The following MAGI1 variants were observed in gnomAD, a reference collection of about 807,000 sequenced individuals.
The protein encoded by MAGI1 is membrane associated guanylate kinase, WW and PDZ domain containing 1, also known as membrane-associated guanylate kinase, WW and PDZ domain-containing protein 1.
In MAGI1, 58 loss-of-function variants were observed where a neutral mutation model predicts 139.9. The ratio of observed to expected loss-of-function variants is 0.41; its 90% CI spans 0.34 to 0.52. MAGI1 has a LOEUF of 0.52. Ranked by LOEUF, MAGI1 falls within the 20% of genes least tolerant of loss-of-function variation. The pLI is 0.12. For synonymous variants in MAGI1, 812 were observed against 737.9 expected (o/e 1.10, Z -1.63); for missense variants, 1,874 against 1,901.6 (o/e 0.99, Z 0.27).
At chr3:65,830,049 A>T (rs2042441602) in intron 1 of MAGI1, among the ~76,000 whole-genome samples, 2 of 152,202 alleles carry the variant, frequency 1.3e-5, no homozygotes, top group African/African-American at 4.8e-5. Flanking sequence ...ATCATTATTT[A>T]TGCAGATGAA....
At position 65,638,235 on chromosome 3, in the gene MAGI1, G is replaced by A. The variant is rs576639615; in HGVS notation, c.314-16147C>T. Among the ~76,000 whole-genome samples the A allele has an allele frequency of 2.0e-4, 30 of 152,210 alleles. No individual in the cohort carries two copies. In the South Asian group the frequency reaches 3.1e-3, roughly 16 times the overall value. ...TGAGGACTAAATGAGAATATACAACGTAATGCTCACTAATGTGAGCTACCC... is the reference window on the plus strand; with the variant it reads ...TGAGGACTAAATGAGAATATACAACATAATGCTCACTAATGTGAGCTACCC... On this transcript the variant is annotated intron_variant, in intron 1 of 22. Transcript: ENST00000402939.
intron 1 of MAGI1, among the ~76,000 whole-genome samples, chr3:65,845,956 A>G (rs1017310141): frequency 6.6e-6 from 1 of 152,230 alleles, no homozygotes; most frequent in African/African-American, 2.4e-5. Context: ...TTCAAAGATG[A>G]AAAGCAGGTA....
At chr3:66,008,360 C>T (rs1273542283) in intron 1 of MAGI1, among the ~76,000 whole-genome samples, 1 of 152,212 alleles carries the variant, frequency 6.6e-6, no homozygotes, top group Non-Finnish European at 1.5e-5. Flanking sequence ...CTGGGCCCTA[C>T]ACCATCTGGT....
intron 1 of MAGI1, among the ~76,000 whole-genome samples, chr3:65,808,736 G>A (rs1185416590): frequency 6.6e-6 from 1 of 152,066 alleles, no homozygotes; most frequent in Admixed American, 6.6e-5. Context: ...TCACAAATTG[G>A]GGACCATTCT....
At chr3:65,562,513 A>T (rs2080408046) in intron 2 of MAGI1, among the ~76,000 whole-genome samples, 1 of 152,116 alleles carries the variant, frequency 6.6e-6, no homozygotes, top group Non-Finnish European at 1.5e-5. Flanking sequence ...TTTAGAGACA[A>T]GCTCTATCTC....
At chr3:65,646,135 CA>C in intron 1 of MAGI1, among the ~76,000 whole-genome samples, 2 of 151,660 alleles carry the variant, frequency 1.3e-5, no homozygotes, top group Admixed American at 6.6e-5. Context: ...AAACATAACC[CA>C]ACTATATTAT....
intron 1 of MAGI1, among the ~76,000 whole-genome samples, chr3:65,793,660 C>A (rs2039932710): frequency 6.6e-6 from 1 of 151,954 alleles, no homozygotes; most frequent in South Asian, 2.1e-4. Flanking sequence ...TGCGAAAATG[C>A]CTGCAACTGC....
intron 1 of MAGI1, among the ~76,000 whole-genome samples, chr3:65,949,151 A>T (rs1199166898): frequency 6.6e-6 from 1 of 152,184 alleles, no homozygotes; most frequent in African/African-American, 2.4e-5. Flanking sequence ...CCACTTATTA[A>T]AATGCAAGGC....
intron 12 of MAGI1, among the ~76,000 whole-genome samples, chr3:65,416,347 T>A (rs1946218563): frequency 6.6e-6 from 1 of 152,208 alleles, no homozygotes; most frequent in Admixed American, 6.5e-5. Context: ...ATAGTTATTA[T>A]GACTGCTATT....
intron 15 of MAGI1, among the ~76,000 whole-genome samples, chr3:65,382,732 G>A (rs1943154887): frequency 6.6e-6 from 1 of 152,112 alleles, no homozygotes; most frequent in African/African-American, 2.4e-5. Context: ...ACATGAACTC[G>A]AGTCAGACCT....
intron 2 of MAGI1, among the ~76,000 whole-genome samples, chr3:65,533,338 A>G (rs2107860346): frequency 6.6e-6 from 1 of 152,308 alleles, no homozygotes; most frequent in African/African-American, 2.4e-5. Flanking sequence ...GTAACACTGC[A>G]ATCTGCTCTT....
intron 2 of MAGI1, among the ~76,000 whole-genome samples, chr3:65,519,363 CACACACACACACACACACACACAT>C (rs1279759524): frequency 7.8e-4 from 56 of 71,460 alleles, no homozygotes; most frequent in Non-Finnish European, 1.5e-3. Flanking sequence ...CACACACACA[CACACACACACACACACACACACAT>C]ATATATAATT....
chr3:65,862,188 C>T (rs893437979), intron 1 of MAGI1, among the ~76,000 whole-genome samples: 29 of 152,172 alleles, frequency 1.9e-4, no homozygotes, highest in African/African-American at 3.9e-4. Flanking sequence ...AGAGCTCACG[C>T]GCTGGACTAA....
chr3:65,481,486 G>C (rs957787909), intron 3 of MAGI1, among the ~76,000 whole-genome samples: 3 of 152,144 alleles, frequency 2.0e-5, no homozygotes, highest in Admixed American at 6.5e-5. Context: ...AAAAAAAGGA[G>C]AGAGACAAAG....
At chr3:65,740,031 T>C (rs1341737071) in intron 1 of MAGI1, among the ~76,000 whole-genome samples, 1 of 151,918 alleles carries the variant, frequency 6.6e-6, no homozygotes, top group African/African-American at 2.4e-5. Flanking sequence ...CAAAGTGCAA[T>C]AGAGGGACAC....
chr3:65,914,128 A>G (rs2061789359), intron 1 of MAGI1: 2 of 152,318 alleles, frequency 1.3e-5, no homozygotes, highest in Admixed American at 1.3e-4. Flanking sequence ...AGGGCATACT[A>G]CAATCAACCA....
chr3:65,506,249 T>G (rs2077283289), intron 2 of MAGI1, among the ~76,000 whole-genome samples: 2 of 152,168 alleles, frequency 1.3e-5, no homozygotes, highest in South Asian at 4.1e-4. Flanking sequence ...GCATGCCTCA[T>G]AAGACTGTGT....
intron 2 of MAGI1, among the ~76,000 whole-genome samples, chr3:65,536,247 A>G (rs112736801): frequency 2.0e-5 from 3 of 152,328 alleles, no homozygotes; most frequent in African/African-American, 4.8e-5. Flanking sequence ...TGTGAAGCCT[A>G]GATTCACCTT....
chr3:65,414,067 T>G (rs191909302), intron 12 of MAGI1, among the ~76,000 whole-genome samples: 6 of 152,348 alleles, frequency 3.9e-5, no homozygotes, highest in African/African-American at 1.4e-4. Flanking sequence ...TTCTGGCTAT[T>G]TCCTACTGTT....
Sources: allele counts gnomAD v4.1 joint callset (sites outside exome capture counted in the v4.1 genomes callset), GRCh38; gene constraint gnomAD v4.1.1; transcripts MANE v1.5; gene names NCBI Gene and HGNC (gene_info 2026-07-23, HGNC 2026-07-21).